CNOT4: variants seen among roughly 807,000 people sequenced by gnomAD.
CNOT4 encodes CCR4-NOT transcription complex subunit 4.
Under a neutral mutation model 73.8 loss-of-function variants are expected in CNOT4, and 8 were observed. The ratio of observed to expected loss-of-function variants is 0.11; its 90% CI spans 0.06 to 0.20. The LOEUF (loss-of-function observed/expected upper bound fraction) is 0.20, where lower values mean the gene tolerates loss of function less well. CNOT4 is among the 10% of genes least tolerant of loss of function. The pLI is 1.00. For synonymous variants in CNOT4, 293 were observed against 321.1 expected (o/e 0.91, Z 0.94); for missense variants, 564 against 883.4 (o/e 0.64, Z 4.58).
intron 1 of CNOT4, among the ~76,000 whole-genome samples, chr7:135,470,058 A>C (rs1319905378): frequency 3.3e-5 from 5 of 152,026 alleles, no homozygotes; most frequent in Admixed American, 6.6e-5. Flanking sequence ...CCTGGCCTCA[A>C]GTGATCCACC....
chr7:135,425,227 A>G (rs1319911036), intron 2 of CNOT4, among the ~76,000 whole-genome samples: 1 of 152,210 alleles, frequency 6.6e-6, no homozygotes, highest in African/African-American at 2.4e-5. Flanking sequence ...CTTTTCTGGG[A>G]CTTAGATTTT....
intron 2 of CNOT4, among the ~76,000 whole-genome samples, chr7:135,431,801 ATAAC>A (rs1442870347): frequency 0.031 from 1 of 32 alleles, no homozygotes; most frequent in African/African-American, 0.12. Flanking sequence ...TATGGATAAT[ATAAC>A]AAACATGCTG....
At chr7:135,498,154 C>A (rs542595704) in intron 1 of CNOT4, among the ~76,000 whole-genome samples, 2 of 150,954 alleles carry the variant, frequency 1.3e-5, no homozygotes, top group Non-Finnish European at 2.9e-5. Flanking sequence ...TGTAGGAAGC[C>A]TGGTTCCATA....
At chr7:135,417,480 T>C (rs1244097860) in intron 3 of CNOT4, among the ~76,000 whole-genome samples, 2 of 152,316 alleles carry the variant, frequency 1.3e-5, no homozygotes, top group Admixed American at 6.5e-5. Flanking sequence ...GGGTGTTACA[T>C]TCGTTTTTAA....
intron 1 of CNOT4, among the ~76,000 whole-genome samples, chr7:135,463,063 C>G (rs1800974449): frequency 6.6e-6 from 1 of 152,188 alleles, no homozygotes; most frequent in Non-Finnish European, 1.5e-5. Context: ...TTTCTGGGCC[C>G]TCTATTCTGT....
At chr7:135,501,701 A>C (rs961858509) in intron 1 of CNOT4, among the ~76,000 whole-genome samples, 1 of 152,174 alleles carries the variant, frequency 6.6e-6, no homozygotes, top group Admixed American at 6.5e-5. Context: ...TGACACCAAT[A>C]CACCTTTCAT....
In CNOT4 at chr7:135,414,231, C is replaced by T. The variant is rs948762858; in HGVS notation, c.561+100G>A. On this transcript the variant is annotated intron_variant, in intron 5 of 11. Transcript: ENST00000541284. Reference sequence around the variant, plus strand: ...CCCTAAGACAGACTCTTCAAATTAACTGTCAAATTTAATATATAAATGCTC... The same window carrying T: ...CCCTAAGACAGACTCTTCAAATTAATTGTCAAATTTAATATATAAATGCTC... 1.0e-5 allele frequency: 6 copies of T among 579,626 alleles called. No homozygotes were observed. In the African/African-American group the frequency reaches 1.1e-4, roughly 11 times the overall value. 35.9% of individuals were successfully genotyped at this position (579,626 alleles called of 1,614,324 possible). A position where few individuals can be genotyped will look rare whatever the true frequency, so the allele number is the denominator to read the frequency against.
chr7:135,386,788 T>C (rs1796143554), intron 10 of CNOT4: 1 of 152,200 alleles, frequency 6.6e-6, no homozygotes, highest in South Asian at 2.1e-4. Flanking sequence ...GGGAGATCGT[T>C]TTGCCATTTT....
At chr7:135,383,700 C>A (rs752710526) in intron 10 of CNOT4, among the ~76,000 whole-genome samples, 9 of 152,172 alleles carry the variant, frequency 5.9e-5, no homozygotes, top group Non-Finnish European at 1.3e-4. Flanking sequence ...GGTTCTCAAT[C>A]ATCATTTAGC....
At chr7:135,401,047 AC>A (rs1220856149) in intron 7 of CNOT4, among the ~76,000 whole-genome samples, 1 of 152,196 alleles carries the variant, frequency 6.6e-6, no homozygotes, top group East Asian at 1.9e-4. Flanking sequence ...TACATGGGTA[AC>A]CCCAATAGAA....
intron 2 of CNOT4, among the ~76,000 whole-genome samples, chr7:135,426,996 T>C (rs945041981): frequency 1.3e-5 from 2 of 151,864 alleles, no homozygotes; most frequent in Admixed American, 6.6e-5. Context: ...TCTAGGAATA[T>C]AGCATCAAAT....
intron 7 of CNOT4, among the ~76,000 whole-genome samples, chr7:135,407,645 G>A (rs1171851390): frequency 6.6e-6 from 1 of 152,122 alleles, no homozygotes; most frequent in Non-Finnish European, 1.5e-5. Flanking sequence ...TTTCCCGAAA[G>A]GCACAAGAGA....
intron 1 of CNOT4, among the ~76,000 whole-genome samples, chr7:135,462,090 A>G (rs1022592295): frequency 1.3e-5 from 2 of 152,028 alleles, no homozygotes; most frequent in Non-Finnish European, 2.9e-5. Context: ...GAAGCAAACA[A>G]TGTTTGAACA....
At chr7:135,464,513 A>G (rs1801100192) in intron 1 of CNOT4, among the ~76,000 whole-genome samples, 1 of 152,144 alleles carries the variant, frequency 6.6e-6, no homozygotes, top group African/African-American at 2.4e-5. Flanking sequence ...AAAAGGAAAC[A>G]ACAGACATGG....
At chr7:135,466,058 TAAATAAA>T (rs1342345766) in intron 1 of CNOT4, among the ~76,000 whole-genome samples, 2 of 151,166 alleles carry the variant, frequency 1.3e-5, no homozygotes, top group African/African-American at 4.9e-5. Flanking sequence ...CAAATAATAA[TAAATAAA>T]AATTAAAAAT....
At position 135,405,884 on chromosome 7, in the gene CNOT4, C is replaced by T. The variant is rs117297365; in HGVS notation, c.821+4631G>A. 2.2e-3 allele frequency among the ~76,000 whole-genome samples: 339 copies of T among 152,228 alleles called. 12 individuals are homozygous for T. In the East Asian group the frequency reaches 0.054, roughly 24 times the overall value. On this transcript the variant is annotated intron_variant, in intron 7 of 11. Coordinates refer to ENST00000541284, the MANE Select transcript of CNOT4 (RefSeq NM_001190850.2). Reference sequence around the variant, plus strand: ...CTTAGAGCCTCAATCTATAAGGTTCCAGGCTTTGCTTTCTTGCAATTCTTT... The same window carrying T: ...CTTAGAGCCTCAATCTATAAGGTTCTAGGCTTTGCTTTCTTGCAATTCTTT...
chr7:135,501,757 C>T (rs918989584), intron 1 of CNOT4, among the ~76,000 whole-genome samples: 8 of 152,194 alleles, frequency 5.3e-5, no homozygotes, highest in Admixed American at 3.3e-4. Flanking sequence ...CCACCATTCC[C>T]AGTAATTAAC....
intron 1 of CNOT4, among the ~76,000 whole-genome samples, chr7:135,455,755 T>C (rs1460855086): frequency 2.0e-5 from 3 of 152,004 alleles, no homozygotes; most frequent in Non-Finnish European, 4.4e-5. Flanking sequence ...ATGCCTGTAG[T>C]CCCAATTATT....
intron 2 of CNOT4, among the ~76,000 whole-genome samples, chr7:135,436,820 T>C (rs1799183675): frequency 6.6e-6 from 1 of 152,022 alleles, no homozygotes; most frequent in South Asian, 2.1e-4. Context: ...TGAGATTTAT[T>C]ATAAATTCTC....
Sources: gnomAD v4.1 joint callset for allele counts (sites outside exome capture counted in the v4.1 genomes callset) on GRCh38, gnomAD v4.1.1 for gene constraint, MANE v1.5 for transcripts, NCBI Gene and HGNC (gene_info 2026-07-23, HGNC 2026-07-21) for gene names.